Variants in PCDH11X observed in about 807,000 individuals in gnomAD.
PCDH11X encodes the protein protocadherin-11 X-linked.
Under a neutral mutation model 53.3 loss-of-function variants are expected in PCDH11X, and 18 were observed. That is an observed-to-expected ratio of 0.34 (90% CI 0.23 to 0.50). PCDH11X has a LOEUF of 0.50. Ranked by LOEUF, PCDH11X falls within the 20% of genes least tolerant of loss-of-function variation. PCDH11X has a pLI of 0.98. For synonymous variants in PCDH11X, 279 were observed against 393.3 expected (o/e 0.71, Z 3.44); for missense variants, 570 against 1,032.4 (o/e 0.55, Z 6.14).
At chrX:92,278,116 T>G (rs1455894783) in intron 8 of PCDH11X, among the ~76,000 whole-genome samples, 1 of 111,273 alleles carries the variant, frequency 9.0e-6, no homozygotes, top group African/African-American at 3.3e-5. Context: ...GAATTGAAAT[T>G]AAGAGAAGGG....
intron 6 of PCDH11X, among the ~76,000 whole-genome samples, chrX:91,917,844 TA>T (rs757033998): frequency 9.2e-6 from 1 of 108,580 alleles, no homozygotes; most frequent in African/African-American, 3.3e-5. Context: ...CATATGGAAT[TA>T]AAAAAAACAC....
intron 10 of PCDH11X, among the ~76,000 whole-genome samples, chrX:92,507,676 T>C (rs1464582031): frequency 1.8e-5 from 2 of 112,072 alleles, no homozygotes. Flanking sequence ...GGAACTATTG[T>C]TTGATGCTGG....
chrX:91,808,805 G>A (rs1325360118), intron 1 of PCDH11X, among the ~76,000 whole-genome samples: 2 of 110,627 alleles, frequency 1.8e-5, no homozygotes, highest in Non-Finnish European at 3.8e-5. Flanking sequence ...TACGGTAGCT[G>A]TCTTAAACTT....
At chrX:92,389,666 AG>A (rs1253040485) in intron 9 of PCDH11X, among the ~76,000 whole-genome samples, 2 of 111,329 alleles carry the variant, frequency 1.8e-5, no homozygotes, top group Non-Finnish European at 3.8e-5. Context: ...TGTCAGAAAT[AG>A]TAAAACATTT....
chrX:91,864,778 A>G (rs1938876626), intron 5 of PCDH11X, among the ~76,000 whole-genome samples: 1 of 110,342 alleles, frequency 9.1e-6, no homozygotes, highest in Non-Finnish European at 1.9e-5. Context: ...TTCTTTTGCT[A>G]GATTCATTCT....
At chrX:91,952,904 G>A (rs982934637) in intron 6 of PCDH11X, among the ~76,000 whole-genome samples, 3 of 111,536 alleles carry the variant, frequency 2.7e-5, no homozygotes, top group African/African-American at 9.8e-5. Context: ...GGATGGAACT[G>A]TGGAACTGGA....
At chrX:92,420,231 A>G (rs771136033) in intron 9 of PCDH11X, among the ~76,000 whole-genome samples, 2 of 111,980 alleles carry the variant, frequency 1.8e-5, no homozygotes, top group Admixed American at 1.9e-4. Context: ...ATGGGTTACA[A>G]CTATGTACAC....
intron 8 of PCDH11X, among the ~76,000 whole-genome samples, chrX:92,351,480 A>T (rs2070048974): frequency 9.0e-6 from 1 of 111,482 alleles, no homozygotes; most frequent in Non-Finnish European, 1.9e-5. Flanking sequence ...TTTACATTGA[A>T]TAATTTTCTA....
intron 6 of PCDH11X, among the ~76,000 whole-genome samples, chrX:92,051,375 T>C (rs1416513692): frequency 2.7e-5 from 3 of 111,708 alleles, no homozygotes; most frequent in Non-Finnish European, 5.7e-5. Flanking sequence ...AGAGAAAATG[T>C]ATCTCCTAGG....
chrX:92,100,894 G>A (rs1394828779), intron 6 of PCDH11X, among the ~76,000 whole-genome samples: 1 of 110,716 alleles, frequency 9.0e-6, no homozygotes, highest in South Asian at 3.9e-4. Context: ...TTGTTGGGTT[G>A]TTAGAAGAAA....
At chrX:91,985,314 G>C (rs1454875242) in intron 6 of PCDH11X, among the ~76,000 whole-genome samples, 2 of 111,535 alleles carry the variant, frequency 1.8e-5, no homozygotes, top group Non-Finnish European at 3.8e-5. Context: ...AGATCAGCCT[G>C]ACCAACATGG....
At chrX:91,781,478 C>T (rs1160480552) in intron 1 of PCDH11X, among the ~76,000 whole-genome samples, 1 of 112,837 alleles carries the variant, frequency 8.9e-6, no homozygotes, top group East Asian at 2.8e-4. Flanking sequence ...ACCTAGGCCC[C>T]CTAAAAAGTA....
At chrX:92,393,162 A>G (rs1171620633) in intron 9 of PCDH11X, among the ~76,000 whole-genome samples, 1 of 110,607 alleles carries the variant, frequency 9.0e-6, no homozygotes, top group Non-Finnish European at 1.9e-5. Context: ...ATATTTTTAC[A>G]TGAAACAAAT....
intron 6 of PCDH11X, among the ~76,000 whole-genome samples, chrX:91,917,569 CAAAAAAAAAA>C (rs59199030): frequency 6.3e-5 from 1 of 15,888 alleles, no homozygotes. Context: ...ACAGCAGCTG[CAAAAAAAAAA>C]AAAAAAAAAA....
chrX:92,561,222 G>T (rs1446152107), intron 10 of PCDH11X, among the ~76,000 whole-genome samples: 1 of 107,473 alleles, frequency 9.3e-6, no homozygotes, highest in Non-Finnish European at 1.9e-5. Flanking sequence ...ATAAATACCT[G>T]ACTATTCAAT....
At chrX:92,166,611 A>G (rs886160086) in intron 6 of PCDH11X, among the ~76,000 whole-genome samples, 2 of 110,961 alleles carry the variant, frequency 1.8e-5, no homozygotes, top group African/African-American at 6.6e-5. Context: ...TAAGGAATTC[A>G]TCTGGGCCAG....
At chrX:92,073,134 C>A (rs1180070263) in intron 6 of PCDH11X, among the ~76,000 whole-genome samples, 1 of 111,577 alleles carries the variant, frequency 9.0e-6, no homozygotes, top group Non-Finnish European at 1.9e-5. Flanking sequence ...CCAAAATGCA[C>A]ATATTCTTTC....
intron 6 of PCDH11X, among the ~76,000 whole-genome samples, chrX:92,170,037 C>G (rs1161792655): frequency 1.8e-5 from 2 of 110,865 alleles, no homozygotes; most frequent in African/African-American, 6.6e-5. Context: ...TATTCTGCTA[C>G]TAATATCACA....
chrX:92,438,863 C>A (rs1390433500), intron 9 of PCDH11X, among the ~76,000 whole-genome samples: 1 of 111,116 alleles, frequency 9.0e-6, no homozygotes, highest in Non-Finnish European at 1.9e-5. Context: ...GAAAGTTGTA[C>A]TGAACAGATT....
Sources: allele counts gnomAD v4.1 joint callset (sites outside exome capture counted in the v4.1 genomes callset), GRCh38; gene constraint gnomAD v4.1.1; transcripts MANE v1.5; gene names NCBI Gene and HGNC (gene_info 2026-07-23, HGNC 2026-07-21).